The following DLG5 variants were observed in gnomAD, a reference collection of about 807,000 sequenced individuals.
DLG5 encodes discs large MAGUK scaffold protein 5.
DLG5 carries 48 observed loss-of-function variants against 189.8 expected under a neutral mutation model. The ratio of observed to expected loss-of-function variants is 0.25; its 90% CI spans 0.20 to 0.32. The LOEUF (loss-of-function observed/expected upper bound fraction) is 0.32. DLG5 is among the 10% of genes least tolerant of loss of function. The pLI is 1.00. For missense variants in DLG5, 2,160 were observed against 2,544.7 expected (o/e 0.85, Z 3.25); for synonymous variants, 1,016 against 1,054.1 (o/e 0.96, Z 0.70).
chr10:77,822,223 G>A, intron 14 of DLG5, 122 bp from the exon 15 acceptor site: 1 of 1,078,504 alleles, frequency 9.3e-7, no homozygotes, highest in Non-Finnish European at 1.3e-6. Context: ...CCTTAAAAAA[G>A]AGACAGATAG....
chr10:77,799,939 A>G (rs1014858056), intron 27 of DLG5, among the ~76,000 whole-genome samples: 2 of 152,112 alleles, frequency 1.3e-5, no homozygotes, highest in Non-Finnish European at 2.9e-5. Context: ...CAGCCCTAGC[A>G]GACTAACATA....
chr10:77,862,299 T>G (rs1167306165), intron 2 of DLG5, among the ~76,000 whole-genome samples: 1 of 152,142 alleles, frequency 6.6e-6, no homozygotes, highest in Non-Finnish European at 1.5e-5. Flanking sequence ...GGACATTCCC[T>G]CCACTGACCC....
At chr10:77,888,211 A>C (rs544485626) in intron 1 of DLG5, among the ~76,000 whole-genome samples, 2 of 152,204 alleles carry the variant, frequency 1.3e-5, no homozygotes, top group African/African-American at 4.8e-5. Flanking sequence ...GAACAGAGCA[A>C]ATGCAAAGTG....
chr10:77,795,702 G>A (rs1424407897), intron 29 of DLG5, among the ~76,000 whole-genome samples: 1 of 152,096 alleles, frequency 6.6e-6, no homozygotes, highest in Non-Finnish European at 1.5e-5. Context: ...CCCAGAAGGT[G>A]CATGTGAAAT....
intron 2 of DLG5, among the ~76,000 whole-genome samples, chr10:77,857,203 C>T (rs913444653): frequency 1.3e-5 from 2 of 152,158 alleles, no homozygotes; most frequent in African/African-American, 4.8e-5. Context: ...CTGTTTTGGC[C>T]GTGATCCTTG....
At chr10:77,919,584 CTTTT>C (rs71030919) in intron 1 of DLG5, among the ~76,000 whole-genome samples, 3 of 67,736 alleles carry the variant, frequency 4.4e-5, no homozygotes, top group African/African-American at 9.7e-5. Context: ...CAGTTCAGGG[CTTTT>C]TTTTTTTTTT....
At chr10:77,826,510 T>A (rs1842647550) in intron 13 of DLG5, among the ~76,000 whole-genome samples, 1 of 152,098 alleles carries the variant, frequency 6.6e-6, no homozygotes, top group African/African-American at 2.4e-5. Context: ...ATGTCTGTAA[T>A]CCCAGCTGCT....
Position 77,820,667 on chromosome 10 carries a change from T to C in DLG5, c.3402+415A>G, listed in dbSNP as rs565416648. 5.3e-5 allele frequency: 11 copies of C among 208,668 alleles called. No homozygotes were observed. In the South Asian group the frequency reaches 1.0e-3, roughly 20 times the overall value. The allele number at this position is 208,668 out of a possible 1,614,324, so 12.9% of individuals were successfully genotyped here. On this transcript the variant is annotated intron_variant, in intron 15 of 31. Coordinates refer to ENST00000372391, the MANE Select transcript of DLG5 (RefSeq NM_004747.4). ...CAGTGTGGACTGGTGCCTGAGATGC[T>C]TTCCACAGTCCCCAGCAATCTCACC...
chr10:77,833,591 A>G (rs1001937602), intron 9 of DLG5, among the ~76,000 whole-genome samples: 2 of 152,200 alleles, frequency 1.3e-5, no homozygotes, highest in African/African-American at 2.4e-5. Context: ...GAATGAATGA[A>G]TGGATAACAC....
intron 1 of DLG5, among the ~76,000 whole-genome samples, chr10:77,879,317 G>A (rs1441816192): frequency 1.3e-5 from 2 of 152,152 alleles, no homozygotes; most frequent in Non-Finnish European, 2.9e-5. Context: ...GGGACCTGGA[G>A]GAGGATGCAG....
chr10:77,911,887 A>G (rs1846231434), intron 1 of DLG5, among the ~76,000 whole-genome samples: 1 of 151,486 alleles, frequency 6.6e-6, no homozygotes, highest in Admixed American at 6.6e-5. Context: ...CAAACAAGTG[A>G]TAACATTTTC....
rs775429189 is a variant in DLG5 at position 77,816,631 on chromosome 10, A to C, written c.3945T>G (p.Cys1315Trp). Reference protein sequence around the residue: ...SPLNIDTLSSCSQSQTSASTL... With the variant: ...SPLNIDTLSSWSQSQTSASTL... ...TGGAGGCTGAGGTCTGGGACTGGCT[A>C]CAAGAGGACAGGGTGTCGATGTTCA... The change falls in exon 20 of 32, where the codon TGT (cysteine) becomes TGG (tryptophan). Residue 1315 changes from cysteine (C) to tryptophan (W), a missense_variant. By Grantham distance (215) the Cys-to-Trp change is radical (BLOSUM62 -2). Around this residue, in one of 5 missense-constraint regions of DLG5, gnomAD observed 754 missense variants for 746.5 expected, o/e 1.01. Coordinates refer to ENST00000372391, the MANE Select transcript of DLG5 (RefSeq NM_004747.4). 11 of 1,614,078 alleles carry C rather than the reference A, an allele frequency of 6.8e-6. No individual in the cohort carries two copies. The highest frequency in any genetic ancestry group is 1.7e-6 in the Non-Finnish European group (2 of 1,180,016).
chr10:77,891,485 G>A lies in DLG5; in HGVS notation c.305-22288C>T, dbSNP rs1273137471. 3.9e-5 allele frequency among the ~76,000 whole-genome samples: 6 copies of A among 151,956 alleles called. 1 individual carries two copies. The highest frequency in any genetic ancestry group is 8.8e-5 in the Non-Finnish European group (6 of 67,996). On this transcript the variant is annotated intron_variant, in intron 1 of 31. Transcript: ENST00000372391. ...CTTAACAAAGGAGGGAAGGTGGTGAGTCTCCATGTCTCTTTGTTCTGTGAG... is the reference window on the plus strand; with the variant it reads ...CTTAACAAAGGAGGGAAGGTGGTGAATCTCCATGTCTCTTTGTTCTGTGAG...
intron 1 of DLG5, among the ~76,000 whole-genome samples, chr10:77,899,542 C>T (rs1289318735): frequency 1.4e-4 from 21 of 152,146 alleles, no homozygotes; most frequent in Admixed American, 1.4e-3. Context: ...TGCAACCTCC[C>T]GGGGCACACA....
At chr10:77,866,929 G>C (rs549344944) in intron 2 of DLG5, 1 of 454,874 alleles carries the variant, frequency 2.2e-6, no homozygotes, top group African/African-American at 2.0e-5. Flanking sequence ...GAACTCAAGA[G>C]GCTTTGCCCA....
At chr10:77,849,655 G>A (rs746086924) in intron 5 of DLG5, among the ~76,000 whole-genome samples, 22 of 152,186 alleles carry the variant, frequency 1.4e-4, no homozygotes, top group Non-Finnish European at 3.2e-4. Flanking sequence ...GGACCACAAC[G>A]GTAGGAAAAG....
At position 77,843,533 on chromosome 10, in the gene DLG5, C is replaced by T; in HGVS notation, c.1038G>A (p.Gln346=). 6.2e-7 allele frequency: 1 copy of T among 1,614,198 alleles called. No homozygotes were observed. The highest frequency in any genetic ancestry group is 1.1e-5 in the South Asian group (1 of 91,086). ...GCATCTCTGTCTGCTTCAGCAACCG[C>T]TGGTTCTCCTCCCCCAGCTGCTCCA... ...SRLEQLGEEN[Q]RLLKQTEMLT... is the part of the protein sequence containing the mutation. The change falls in exon 6 of 32, where the codon CAG becomes CAA. Residue 346 remains glutamine (Q), a synonymous_variant. Coordinates refer to ENST00000372391, the MANE Select transcript of DLG5 (RefSeq NM_004747.4).
intron 23 of DLG5, among the ~76,000 whole-genome samples, chr10:77,810,047 C>T (rs1321827410): frequency 3.3e-5 from 5 of 152,224 alleles, no homozygotes; most frequent in African/African-American, 1.2e-4. Context: ...CCATGTGGAT[C>T]ACACTCATTT....
At chr10:77,865,701 C>CG (rs1329615548) in intron 2 of DLG5, among the ~76,000 whole-genome samples, 2 of 152,068 alleles carry the variant, frequency 1.3e-5, no homozygotes, top group African/African-American at 4.8e-5. Flanking sequence ...CAGGTAGGGT[C>CG]GGGGGCAGGT....
Sources: gnomAD v4.1 joint callset for allele counts (sites outside exome capture counted in the v4.1 genomes callset) on GRCh38, gnomAD v4.1.1 for gene constraint, gnomAD v4.1.1 regional missense constraint, MANE v1.5 for transcripts, NCBI Gene and HGNC (gene_info 2026-07-23, HGNC 2026-07-21) for gene names.